Variants in DNAH9 observed in about 807,000 individuals in gnomAD.
DNAH9 encodes dynein axonemal heavy chain 9, also known as DNAH9 variant protein.
Under a neutral mutation model 471.6 loss-of-function variants are expected in DNAH9, and 345 were observed. That is an observed-to-expected ratio of 0.73 (90% confidence interval 0.67 to 0.80). The LOEUF (loss-of-function observed/expected upper bound fraction) is 0.80, where lower values mean the gene tolerates loss of function less well. Ranked by LOEUF, DNAH9 falls within the 30% of genes least tolerant of loss-of-function variation. The pLI is 0.00. For synonymous variants in DNAH9, 2,093 were observed against 2,123.6 expected, an observed-to-expected ratio of 0.99 and a Z score of 0.40; for missense variants, 5,407 against 5,609.2, an observed-to-expected ratio of 0.96 and a Z score of 1.15.
In DNAH9 at chr17:11,933,984, C is replaced by T. The variant is rs1974608753; in HGVS notation, c.12402C>T (p.Phe4134=). The change falls in exon 65 of 69, where the codon TTC becomes TTT. Residue 4134 remains phenylalanine (F), a synonymous_variant. Coordinates refer to ENST00000262442, the MANE Select transcript of DNAH9 (RefSeq NM_001372.4). ...TCTGCAGAACCTACCTGGGGGAATT[C>T]ATTCGACCAGAAATGTTAGAAGGAG... ...RRLCRTYLGE[F]IRPEMLEGEL... is the part of the protein sequence containing the mutation. The T allele has an allele frequency of 6.2e-7, 1 of 1,614,194 alleles. No individual in the cohort carries two copies. Among genetic ancestry groups the T allele is most frequent in the Middle Eastern group, 1.6e-4 (1 of 6,062 alleles).
In DNAH9 at chr17:11,608,234, G is replaced by A; in HGVS notation, c.523G>A (p.Val175Ile). 6.2e-7 allele frequency: 1 copy of A among 1,614,078 alleles called. No individual in the cohort carries two copies. Among genetic ancestry groups the A allele is most frequent in the South Asian group, 1.1e-5 (1 of 91,068 alleles). Residue 175 changes from valine to isoleucine, a missense_variant, in exon 2 of 69, where the codon GTT (valine) becomes ATT (isoleucine). Physicochemically the swap from Val to Ile is conservative, Grantham distance 29. Coordinates refer to ENST00000262442, the MANE Select transcript of DNAH9 (RefSeq NM_001372.4). ...HAHSLQCDLS[V>I]ILEQVKGKTL... Reference sequence around the variant, plus strand: ...CCACAGCCTCCAATGTGACCTCTCAGTTATACTTGAGCAAGTGAAGGGAAA... The same window carrying A: ...CCACAGCCTCCAATGTGACCTCTCAATTATACTTGAGCAAGTGAAGGGAAA...
At chr17:11,620,988 T>C (rs754264060) in intron 6 of DNAH9, among the ~76,000 whole-genome samples, 12 of 152,216 alleles carry the variant, frequency 7.9e-5, no homozygotes, top group East Asian at 1.9e-4. Flanking sequence ...AAACTTAATA[T>C]GTTTAACAGG....
chr17:11,930,765 C>CAAAAAAAAAAAAAAAAAAAAAAAAA (rs11371438), intron 63 of DNAH9, among the ~76,000 whole-genome samples: 1 of 125,168 alleles, frequency 8.0e-6, no homozygotes, highest in African/African-American at 3.2e-5. Context: ...ACTCCATCTC[C>CAAAAAAAAAAAAAAAAAAAAAAAAA]AAAAAAAAAA....
chr17:11,733,432 C>T (rs1270940952), intron 28 of DNAH9, among the ~76,000 whole-genome samples: 1 of 152,192 alleles, frequency 6.6e-6, no homozygotes, highest in Non-Finnish European at 1.5e-5. Flanking sequence ...TCAGCAGCTT[C>T]CAGTCATGAG....
intron 17 of DNAH9, among the ~76,000 whole-genome samples, chr17:11,672,417 C>G (rs2073986495): frequency 6.6e-6 from 1 of 152,206 alleles, no homozygotes; most frequent in Non-Finnish European, 1.5e-5. Flanking sequence ...TGGAGGCTGA[C>G]TTTTCTCCTA....
chr17:11,956,414 TCAATATTTAGTAGAACA>T, intron 67 of DNAH9, among the ~76,000 whole-genome samples: 1 of 152,246 alleles, frequency 6.6e-6, no homozygotes, highest in East Asian at 1.9e-4. Flanking sequence ...AACTCCTCTC[TCAATATTTAGTAGAACA>T]AGTAGACAGA....
intron 23 of DNAH9, 66 bp from the exon 24 acceptor site, chr17:11,701,056 A>C: frequency 1.3e-6 from 2 of 1,582,768 alleles, no homozygotes; most frequent in Non-Finnish European, 1.7e-6. Context: ...ACTGAGTGGA[A>C]GAAAATATGT....
Position 11,869,224 on chromosome 17 carries a change from G to T in DNAH9, c.10024G>T (p.Ala3342Ser). 2 of 1,613,634 alleles carry T rather than the reference G, an allele frequency of 1.2e-6. No individual in the cohort carries two copies. Among genetic ancestry groups the T allele is most frequent in the African/African-American group, 1.3e-5 (1 of 75,046 alleles). ...ATGTCAGCAAGAAGCCGAAGTGACC[G>T]CAGTCACCATCTCCCTTGCCAACCG... ...LKCQQEAEVT[A>S]VTISLANRLV... is the part of the protein sequence containing the mutation. Residue 3342 changes from alanine to serine, a missense_variant, in exon 51 of 69, where the codon GCA (alanine) becomes TCA (serine). By Grantham distance (99) the Ala-to-Ser change is moderately conservative. Coordinates refer to ENST00000262442, the MANE Select transcript of DNAH9 (RefSeq NM_001372.4).
In DNAH9 at chr17:11,902,805, A is replaced by G. The variant is rs1206371064; in HGVS notation, c.11493A>G (p.Glu3831=). 1 of 1,614,082 alleles carries G rather than the reference A, an allele frequency of 6.2e-7. No individual in the cohort carries two copies. The highest frequency in any genetic ancestry group is 1.1e-5 in the South Asian group (1 of 91,078). ...GCTGGAAAAAGTTTGTGGAGTCCGAATGTCCTGAGAAAGAGAAGCTCCCAC... is the reference window on the plus strand; with the variant it reads ...GCTGGAAAAAGTTTGTGGAGTCCGAGTGTCCTGAGAAAGAGAAGCTCCCAC... The part of the protein sequence containing the change: ...AKSWKKFVES[E]CPEKEKLPQE... The change falls in exon 60 of 69, where the codon GAA becomes GAG. Residue 3831 remains glutamate (E), a synonymous_variant. Transcript: ENST00000262442.
chr17:11,762,772 T>TG (rs1324257423), intron 35 of DNAH9, among the ~76,000 whole-genome samples: 2 of 107,514 alleles, frequency 1.9e-5, no homozygotes, highest in African/African-American at 4.2e-5. Context: ...TTTTTTTTGT[T>TG]TTTTTTTTTT....
chr17:11,747,166 T>A (rs1966914730), intron 31 of DNAH9, among the ~76,000 whole-genome samples: 1 of 152,190 alleles, frequency 6.6e-6, no homozygotes, highest in Non-Finnish European at 1.5e-5. Context: ...CAAAATCAAT[T>A]GTTCCCTCCT....
intron 8 of DNAH9, among the ~76,000 whole-genome samples, chr17:11,634,331 C>T (rs375267148): frequency 1.3e-5 from 2 of 152,292 alleles, no homozygotes; most frequent in Non-Finnish European, 2.9e-5. Flanking sequence ...GACATAAGCT[C>T]ATGCAGAGAA....
intron 45 of DNAH9, among the ~76,000 whole-genome samples, chr17:11,817,014 G>A (rs1271386434): frequency 2.0e-5 from 3 of 152,024 alleles, no homozygotes; most frequent in South Asian, 2.1e-4. Context: ...AGCCGAGATC[G>A]CGCCACTGCA....
At chr17:11,819,298 C>A (rs1970225444) in intron 45 of DNAH9, among the ~76,000 whole-genome samples, 1 of 152,150 alleles carries the variant, frequency 6.6e-6, no homozygotes, top group African/African-American at 2.4e-5. Context: ...CCCAAAAATG[C>A]AGTTTCAATA....
chr17:11,621,251 G>A (rs1370165940), intron 6 of DNAH9, among the ~76,000 whole-genome samples: 1 of 151,420 alleles, frequency 6.6e-6, no homozygotes, highest in African/African-American at 2.4e-5. Flanking sequence ...CTACTAAAAA[G>A]ACAAAAATTA....
At chr17:11,708,811 TA>T (rs1248636303) in intron 26 of DNAH9, among the ~76,000 whole-genome samples, 2 of 151,982 alleles carry the variant, frequency 1.3e-5, no homozygotes, top group Admixed American at 6.5e-5. Context: ...GGCAATTTGA[TA>T]AATCTATCCC....
chr17:11,655,288 G>T (rs747761015), intron 14 of DNAH9, among the ~76,000 whole-genome samples: 7 of 151,584 alleles, frequency 4.6e-5, no homozygotes, highest in South Asian at 2.1e-4. Flanking sequence ...TGGTCTCCAA[G>T]TCCATCCAGG....
chr17:11,848,639 C>T (rs150913139), intron 49 of DNAH9, among the ~76,000 whole-genome samples: 35 of 152,182 alleles, frequency 2.3e-4, no homozygotes, highest in Admixed American at 6.5e-4. Flanking sequence ...CCCGGCAAAT[C>T]CCACTTCCAA....
intron 14 of DNAH9, among the ~76,000 whole-genome samples, chr17:11,658,846 C>A (rs887594580): frequency 6.6e-6 from 1 of 151,874 alleles, no homozygotes; most frequent in Non-Finnish European, 1.5e-5. Context: ...GAGATAAATG[C>A]ATTCGATCAT....
Sources: allele counts gnomAD v4.1 joint callset (sites outside exome capture counted in the v4.1 genomes callset), GRCh38; gene constraint gnomAD v4.1.1; transcripts MANE v1.5; gene names NCBI Gene and HGNC (gene_info 2026-07-23, HGNC 2026-07-21).